Variants in ABHD12 observed in about 807,000 individuals in gnomAD.
ABHD12 encodes the protein lysophosphatidylserine lipase ABHD12.
ABHD12 carries 43 observed loss-of-function variants against 58.3 expected under a neutral mutation model. The ratio of observed to expected loss-of-function variants is 0.74; its 90% CI spans 0.58 to 0.95. ABHD12 has a LOEUF of 0.95. Ranked by LOEUF, ABHD12 falls within the 40% of genes least tolerant of loss-of-function variation. The probability of loss-of-function intolerance (pLI) is 0.00; values close to 1 mark genes in which losing one functional copy is unlikely to be tolerated. For missense variants in ABHD12, 539 were observed against 537.2 expected (o/e 1.00, Z -0.03); for synonymous variants, 219 against 211.2 (o/e 1.04, Z -0.32).
chr20:25,295,870 A>C (rs901575487), downstream of ABHD12, among the ~76,000 whole-genome samples: 1 of 152,214 alleles, frequency 6.6e-6, no homozygotes, highest in Non-Finnish European at 1.5e-5. Flanking sequence ...GTTGAAAAAA[A>C]CAGCTCCTAA....
chr20:25,335,067 G>T (rs1170252129), intron 2 of ABHD12, among the ~76,000 whole-genome samples: 7 of 150,550 alleles, frequency 4.6e-5, no homozygotes, highest in East Asian at 1.9e-4. Flanking sequence ...CTGACAAAGG[G>T]CTAATATCCA....
chr20:25,345,789 T>C (rs1430195417), intron 1 of ABHD12, among the ~76,000 whole-genome samples: 1 of 152,104 alleles, frequency 6.6e-6, no homozygotes, highest in African/African-American at 2.4e-5. Context: ...TAACACTAAA[T>C]GCTAGGAGAA....
intron 6 of ABHD12, among the ~76,000 whole-genome samples, chr20:25,312,707 C>T (rs905129347): frequency 5.3e-5 from 8 of 151,508 alleles, no homozygotes; most frequent in Admixed American, 1.3e-4. Context: ...CGCCTCTTCC[C>T]GGCCGCCATC....
In ABHD12 at chr20:25,308,004, T is replaced by C; in HGVS notation, c.829A>G (p.Asn277Asp). The C allele has an allele frequency of 1.2e-6, 2 of 1,609,748 alleles. No homozygotes were observed. The highest frequency in any genetic ancestry group is 1.7e-6 in the Non-Finnish European group (2 of 1,175,950). Reference protein sequence around the residue: ...DALILESPFTNIREEAKSHPF... With the variant: ...DALILESPFTDIREEAKSHPF... ...TGGCTCTTAGCTTCTTCGCGGATATTAGTGAATGGAGATTCCAATATAAGG... is the reference window on the plus strand; with the variant it reads ...TGGCTCTTAGCTTCTTCGCGGATATCAGTGAATGGAGATTCCAATATAAGG... Residue 277 changes from asparagine to aspartate, a missense_variant, in exon 9 of 13, where the codon AAT (asparagine) becomes GAT (aspartate). Coordinates refer to ENST00000339157, the MANE Select transcript of ABHD12 (RefSeq NM_001042472.3).
chr20:25,299,833 G>A (rs6115138), downstream of ABHD12, among the ~76,000 whole-genome samples: 65 of 152,308 alleles, frequency 4.3e-4, no homozygotes, highest in South Asian at 3.3e-3. Context: ...CTGGCCAGGA[G>A]GGGGACCAGT....
At chr20:25,378,375 A>G (rs1009888754) in intron 1 of ABHD12, among the ~76,000 whole-genome samples, 2 of 152,178 alleles carry the variant, frequency 1.3e-5, no homozygotes, top group African/African-American at 4.8e-5. Flanking sequence ...GCAGGAATAC[A>G]GTAGCTACTG....
At chr20:25,342,312 C>T (rs1184066100) in intron 1 of ABHD12, among the ~76,000 whole-genome samples, 4 of 152,196 alleles carry the variant, frequency 2.6e-5, no homozygotes, top group Non-Finnish European at 5.9e-5. Flanking sequence ...GCAATAGAAA[C>T]CACCTGAAAG....
intron 6 of ABHD12, among the ~76,000 whole-genome samples, chr20:25,313,286 C>T (rs1470402025): frequency 1.3e-4 from 20 of 152,412 alleles, no homozygotes; most frequent in Non-Finnish European, 1.2e-4. Context: ...ACCTTACCCC[C>T]AACCTGGTGC....
At chr20:25,362,622 G>A (rs113469203) in intron 1 of ABHD12, among the ~76,000 whole-genome samples, 63,305 of 122,694 alleles carry the variant, frequency 0.52, 17,863 homozygotes, top group Admixed American at 0.58. Flanking sequence ...GAAGGACAGG[G>A]GAGGGGAGGG....
At chr20:25,365,791 A>G (rs952620430) in intron 1 of ABHD12, among the ~76,000 whole-genome samples, 1 of 152,200 alleles carries the variant, frequency 6.6e-6, no homozygotes, top group Admixed American at 6.6e-5. Flanking sequence ...CCTCACACCT[A>G]TAATCCCAGC....
At chr20:25,314,886 T>C in intron 6 of ABHD12, 39 bp downstream of exon 6, 4 of 1,611,864 alleles carry the variant, frequency 2.5e-6, no homozygotes, top group Admixed American at 1.7e-5. Context: ...CAGCAAGCAG[T>C]GGAATTGTGC....
At chr20:25,308,202 C>T (rs957633084) in intron 8 of ABHD12, among the ~76,000 whole-genome samples, 157 bp from the exon 9 acceptor site, 28 of 152,198 alleles carry the variant, frequency 1.8e-4, no homozygotes, top group Admixed American at 6.5e-5. Context: ...CAGGGGTGCC[C>T]GCCAGGGGAA....
At chr20:25,310,573 G>C (rs544333489) in intron 6 of ABHD12, 6 of 152,724 alleles carry the variant, frequency 3.9e-5, no homozygotes, top group South Asian at 2.1e-4. Context: ...TCAGACACTA[G>C]AGGAGGGAGG....
At chr20:25,383,576 T>G (rs1490973573) in intron 1 of ABHD12, among the ~76,000 whole-genome samples, 2 of 152,152 alleles carry the variant, frequency 1.3e-5, no homozygotes, top group Non-Finnish European at 2.9e-5. Flanking sequence ...ATCCCAGCAC[T>G]TTGGGAAGCC....
intron 1 of ABHD12, among the ~76,000 whole-genome samples, chr20:25,384,846 G>A (rs910023753): frequency 1.3e-5 from 2 of 152,204 alleles, no homozygotes; most frequent in African/African-American, 2.4e-5. Flanking sequence ...GGCAGCAACA[G>A]GACAGGGTGT....
At chr20:25,330,243 G>A (rs2089247765) in intron 2 of ABHD12, among the ~76,000 whole-genome samples, 1 of 152,262 alleles carries the variant, frequency 6.6e-6, no homozygotes, top group Non-Finnish European at 1.5e-5. Flanking sequence ...CCCGAATACT[G>A]TGCTTTTCCG....
At chr20:25,334,045 A>G (rs967961211) in intron 2 of ABHD12, among the ~76,000 whole-genome samples, 10 of 152,228 alleles carry the variant, frequency 6.6e-5, no homozygotes, top group African/African-American at 2.4e-4. Context: ...ACATGATGGT[A>G]TATCTAGAAA....
At position 25,323,184 on chromosome 20, in the gene ABHD12, T is replaced by C. The variant is rs149083795; in HGVS notation, c.422+141A>G. On this transcript the variant is annotated intron_variant, in intron 3 of 12. Coordinates refer to ENST00000339157, the MANE Select transcript of ABHD12 (RefSeq NM_001042472.3). ...CAACATTAGGATGGATCAAATGTAC[T>C]GAGATCTTTCCTTTAGGAAAGGAAG... 90 of 715,506 alleles carry C rather than the reference T, an allele frequency of 1.3e-4. No individual in the cohort carries two copies. In the African/African-American group the frequency reaches 1.5e-3, roughly 12 times the overall value. 44.3% of individuals were successfully genotyped at this position (715,506 alleles called of 1,614,324 possible). A position where few individuals can be genotyped will look rare whatever the true frequency, so the allele number is the denominator to read the frequency against.
At chr20:25,301,002 G>A (rs1261336867) in intron 12 of ABHD12, 118 bp from the exon 13 acceptor site, 7 of 1,067,336 alleles carry the variant, frequency 6.6e-6, no homozygotes, top group Admixed American at 2.0e-5. Flanking sequence ...GCAGCCAAGA[G>A]CCCCATGAGG....
Sources: gnomAD v4.1 joint callset for allele counts (sites outside exome capture counted in the v4.1 genomes callset) on GRCh38, gnomAD v4.1.1 for gene constraint, MANE v1.5 for transcripts, NCBI Gene and HGNC (gene_info 2026-07-23, HGNC 2026-07-21) for gene names.